The following PDE8A variants were observed in gnomAD, a reference collection of about 807,000 sequenced individuals.
PDE8A encodes the protein phosphodiesterase 8A, also known as high affinity cAMP-specific and IBMX-insensitive 3',5'-cyclic phosphodiesterase 8A.
Under a neutral mutation model 105.0 loss-of-function variants are expected in PDE8A, and 59 were observed. The ratio of observed to expected loss-of-function variants is 0.56; its 90% CI spans 0.46 to 0.70. The LOEUF is 0.70. Among genes scored for constraint, PDE8A ranks in the 30% least tolerant of loss-of-function variants. The probability of loss-of-function intolerance (pLI) is 0.00; values close to 1 mark genes in which losing one functional copy is unlikely to be tolerated. For missense variants in PDE8A, 1,014 were observed against 1,045.9 expected (o/e 0.97, Z 0.42); for synonymous variants, 355 against 371.9 (o/e 0.95, Z 0.52).
At chr15:85,014,663 G>A (rs1467345171) in intron 1 of PDE8A, among the ~76,000 whole-genome samples, 1 of 152,092 alleles carries the variant, frequency 6.6e-6, no homozygotes, top group Non-Finnish European at 1.5e-5. Context: ...CCCTTTTAGA[G>A]AAATGGTGGC....
Position 85,138,063 on chromosome 15 carries a change from A to G in PDE8A, c.*160A>G. 3.6e-6 allele frequency: 2 copies of G among 562,676 alleles called. No homozygotes were observed. Among genetic ancestry groups the G allele is most frequent in the Non-Finnish European group, 6.4e-6 (2 of 314,174 alleles). 34.9% of individuals were successfully genotyped at this position (562,676 alleles called of 1,614,324 possible). On this transcript the variant is annotated 3_prime_UTR_variant, in exon 22 of 22. Coordinates refer to ENST00000394553, the MANE Select transcript of PDE8A (RefSeq NM_002605.3). ...GGGACATCAGTAACCTTCTGCAGCC[A>G]CCATCCAATGCCATTACTGTCAAGT... is the stretch of plus-strand genomic sequence containing the variant.
At chr15:84,996,089 A>C (rs982741490) in intron 1 of PDE8A, among the ~76,000 whole-genome samples, 4 of 152,176 alleles carry the variant, frequency 2.6e-5, no homozygotes, top group African/African-American at 9.6e-5. Flanking sequence ...CTTTTTAATA[A>C]GTTTGAATGT....
chr15:85,035,827 G>T (rs1176287655), intron 1 of PDE8A, among the ~76,000 whole-genome samples: 6 of 152,190 alleles, frequency 3.9e-5, no homozygotes, highest in African/African-American at 1.2e-4. Flanking sequence ...CCCCTAATAT[G>T]TGTATTTAAT....
chr15:85,012,456 C>T (rs36184157), intron 1 of PDE8A, among the ~76,000 whole-genome samples: 19,288 of 150,164 alleles, frequency 0.13, 1,614 homozygotes, highest in Middle Eastern at 0.24. Context: ...GGACAAAAAA[C>T]CAAACACCGC....
intron 5 of PDE8A, 23 bp from the exon 6 acceptor site, chr15:85,083,533 A>G (rs1366634245): frequency 1.3e-6 from 2 of 1,490,332 alleles, no homozygotes; most frequent in African/African-American, 1.4e-5. Flanking sequence ...GTTTATCCAC[A>G]AAATTCCTCT....
intron 1 of PDE8A, among the ~76,000 whole-genome samples, chr15:84,991,322 A>C (rs1322117137): frequency 3.3e-5 from 5 of 152,230 alleles, no homozygotes; most frequent in Non-Finnish European, 7.3e-5. Context: ...GAAAAATTGG[A>C]AAAGGTTGGG....
At position 85,115,306 on chromosome 15, in the gene PDE8A, G is replaced by A. The variant is rs1015970486; in HGVS notation, c.1351-133G>A. On this transcript the variant is annotated intron_variant, in intron 14 of 21. Coordinates refer to ENST00000394553, the MANE Select transcript of PDE8A (RefSeq NM_002605.3). ...GTCAATCACAGGGGTGGACCTGCTG[G>A]GCCCAGGGCAGCCTTGAGTGCATTG... is the stretch of plus-strand genomic sequence containing the variant. 3.4e-5 allele frequency: 21 copies of A among 613,740 alleles called. No homozygotes were observed. The Admixed American group carries it at 5.2e-4, about 15-fold the overall frequency. 38.0% of individuals were successfully genotyped at this position (613,740 alleles called of 1,614,324 possible).
chr15:84,983,549 C>A (rs1167354565), intron 1 of PDE8A, among the ~76,000 whole-genome samples: 1 of 152,194 alleles, frequency 6.6e-6, no homozygotes, highest in Non-Finnish European at 1.5e-5. Context: ...AGTGAAAATT[C>A]AACTTTGTTC....
At chr15:85,101,883 A>G (rs919000891) in intron 11 of PDE8A, among the ~76,000 whole-genome samples, 3 of 152,130 alleles carry the variant, frequency 2.0e-5, no homozygotes, top group African/African-American at 7.2e-5. Context: ...GGAGAGCTCT[A>G]CCTGTGAGGT....
chr15:85,103,321 C>T (rs552136713), intron 11 of PDE8A, among the ~76,000 whole-genome samples: 44 of 152,306 alleles, frequency 2.9e-4, no homozygotes, highest in Middle Eastern at 6.8e-3. Context: ...AGGAAATGTT[C>T]GGCAGGGGGA....
At chr15:85,008,076 A>T (rs1189724443) in intron 1 of PDE8A, among the ~76,000 whole-genome samples, 3 of 152,096 alleles carry the variant, frequency 2.0e-5, no homozygotes, top group African/African-American at 7.2e-5. Context: ...GGTCAAGAGA[A>T]GGTGGCAGGG....
At chr15:85,052,851 G>C (rs1218501403) in intron 1 of PDE8A, among the ~76,000 whole-genome samples, 2 of 152,056 alleles carry the variant, frequency 1.3e-5, no homozygotes, top group Non-Finnish European at 2.9e-5. Context: ...GTCAATTTTG[G>C]CTTTTGTTGC....
intron 1 of PDE8A, among the ~76,000 whole-genome samples, chr15:85,051,619 C>T (rs576692551): frequency 6.6e-6 from 1 of 152,208 alleles, no homozygotes; most frequent in East Asian, 1.9e-4. Flanking sequence ...TGATGCTGTC[C>T]CTCCCTCCGC....
At chr15:85,051,384 A>C (rs917945956) in intron 1 of PDE8A, among the ~76,000 whole-genome samples, 10 of 152,324 alleles carry the variant, frequency 6.6e-5, no homozygotes, top group Admixed American at 5.2e-4. Context: ...CTGATCTTAG[A>C]GGAAAAGTCC....
At chr15:85,128,693 T>TA (rs1288298091) in intron 20 of PDE8A, among the ~76,000 whole-genome samples, 3 of 152,198 alleles carry the variant, frequency 2.0e-5, no homozygotes, top group African/African-American at 7.2e-5. Flanking sequence ...TAGTAAAAGA[T>TA]AAACCACCCA....
At chr15:85,017,353 C>T (rs947111961) in intron 1 of PDE8A, among the ~76,000 whole-genome samples, 1 of 152,004 alleles carries the variant, frequency 6.6e-6, no homozygotes, top group Non-Finnish European at 1.5e-5. Context: ...ATACATAGCA[C>T]ATAAATTCTT....
intron 1 of PDE8A, among the ~76,000 whole-genome samples, chr15:85,028,932 T>C (rs2080565090): frequency 6.6e-6 from 1 of 152,188 alleles, no homozygotes; most frequent in Non-Finnish European, 1.5e-5. Context: ...TCAGTAAATA[T>C]TGAGTTAAAT....
chr15:85,125,616 T>G (rs913104224), intron 19 of PDE8A, among the ~76,000 whole-genome samples: 6 of 152,170 alleles, frequency 3.9e-5, no homozygotes, highest in African/African-American at 1.4e-4. Flanking sequence ...AATAATACTT[T>G]TCATGCTTAC....
At chr15:85,042,409 T>C (rs900083594) in intron 1 of PDE8A, among the ~76,000 whole-genome samples, 3 of 152,126 alleles carry the variant, frequency 2.0e-5, no homozygotes, top group Admixed American at 2.0e-4. Context: ...TGCTCCTGCC[T>C]CAGCCTCTCA....
Sources: allele counts gnomAD v4.1 joint callset (sites outside exome capture counted in the v4.1 genomes callset), GRCh38; gene constraint gnomAD v4.1.1; transcripts MANE v1.5; gene names NCBI Gene and HGNC (gene_info 2026-07-23, HGNC 2026-07-21).